The following ARB2A variants were observed in gnomAD, a reference collection of about 807,000 sequenced individuals.
The protein encoded by ARB2A is cotranscriptional regulator ARB2A.
the ARB2A span, among the ~76,000 whole-genome samples, chr5:93,807,821 G>GA: frequency 2.0e-5 from 3 of 151,368 alleles, no homozygotes; most frequent in Non-Finnish European, 4.4e-5. Flanking sequence ...AAATTAGGGG[G>GA]AAAAAAAAGC....
At chr5:93,669,339 T>C in the ARB2A span, among the ~76,000 whole-genome samples, 1 of 152,210 alleles carries the variant, frequency 6.6e-6, no homozygotes, top group African/African-American at 2.4e-5. Context: ...ATGGTAAATC[T>C]ACTGTCATGG....
chr5:93,640,064 CAAA>C, the ARB2A span, among the ~76,000 whole-genome samples: 8 of 59,254 alleles, frequency 1.4e-4, no homozygotes, highest in East Asian at 5.3e-4. Flanking sequence ...ACTCTGTCTC[CAAA>C]AAAAAAAAAA....
At chr5:94,028,574 C>T in the ARB2A span, among the ~76,000 whole-genome samples, 3 of 152,174 alleles carry the variant, frequency 2.0e-5, no homozygotes. Context: ...CACTCACATA[C>T]AAGAACCTCC....
At chr5:93,908,252 T>A in the ARB2A span, among the ~76,000 whole-genome samples, 8 of 151,244 alleles carry the variant, frequency 5.3e-5, no homozygotes, top group South Asian at 1.7e-3. Context: ...ATTTTTACAA[T>A]CATTTTCCAA....
the ARB2A span, among the ~76,000 whole-genome samples, chr5:93,877,696 T>G: frequency 6.6e-6 from 1 of 152,156 alleles, no homozygotes; most frequent in Non-Finnish European, 1.5e-5. Flanking sequence ...GTAAATTAGC[T>G]AATCATTATA....
the ARB2A span, among the ~76,000 whole-genome samples, chr5:93,842,985 C>A: frequency 2.0e-5 from 3 of 152,292 alleles, no homozygotes; most frequent in Non-Finnish European, 2.9e-5. Flanking sequence ...GGGCCTTCAT[C>A]CCTTCTAAAC....
the ARB2A span, among the ~76,000 whole-genome samples, chr5:94,065,757 A>C: frequency 6.6e-6 from 1 of 152,212 alleles, no homozygotes; most frequent in Non-Finnish European, 1.5e-5. Flanking sequence ...AAAGAGAAAG[A>C]TAGATTCCAA....
chr5:94,072,639 G>C, the ARB2A span, among the ~76,000 whole-genome samples: 6 of 152,004 alleles, frequency 3.9e-5, no homozygotes, highest in Admixed American at 3.9e-4. Context: ...GAACTAAGAG[G>C]ACTAGATACA....
chr5:93,640,517 T>C, the ARB2A span, among the ~76,000 whole-genome samples: 22,817 of 151,450 alleles, frequency 0.15, 2,019 homozygotes, highest in Middle Eastern at 0.24. Flanking sequence ...CAATCCTAAA[T>C]AGACATTTCA....
the ARB2A span, among the ~76,000 whole-genome samples, chr5:94,106,001 T>A: frequency 6.6e-6 from 1 of 152,060 alleles, no homozygotes; most frequent in African/African-American, 2.4e-5. Context: ...ATTAAAGACT[T>A]ACATGTAAAG....
the ARB2A span, among the ~76,000 whole-genome samples, chr5:93,764,466 T>C: frequency 6.6e-6 from 1 of 152,126 alleles, no homozygotes. Context: ...GGATAAATTC[T>C]TTGACACATA....
the ARB2A span, among the ~76,000 whole-genome samples, chr5:94,088,930 A>G: frequency 2.6e-5 from 4 of 152,200 alleles, no homozygotes; most frequent in Non-Finnish European, 5.9e-5. Flanking sequence ...GGGTTCATTT[A>G]ATTATAAAAG....
chr5:93,991,222 T>C, the ARB2A span, among the ~76,000 whole-genome samples: 2 of 152,202 alleles, frequency 1.3e-5, no homozygotes, highest in South Asian at 4.1e-4. Flanking sequence ...TCATATTCAG[T>C]AGTGACCTGA....
chr5:94,040,782 C>T, the ARB2A span, among the ~76,000 whole-genome samples: 1 of 152,092 alleles, frequency 6.6e-6, no homozygotes, highest in Non-Finnish European at 1.5e-5. Context: ...CCAGAGATCA[C>T]AAGTTGAAAC....
At chr5:93,741,652 C>A in the ARB2A span, 3 of 1,412,528 alleles carry the variant, frequency 2.1e-6, no homozygotes, top group South Asian at 1.5e-5. Flanking sequence ...GCCCCGCCCC[C>A]CAGTGGGCGG....
chr5:94,068,436 G>A, the ARB2A span, among the ~76,000 whole-genome samples: 2 of 152,190 alleles, frequency 1.3e-5, no homozygotes, highest in Non-Finnish European at 2.9e-5. Flanking sequence ...CTCAGCTCGA[G>A]CAGTAACAAA....
the ARB2A span, among the ~76,000 whole-genome samples, chr5:93,925,787 C>G: frequency 2.0e-5 from 3 of 152,092 alleles, no homozygotes; most frequent in Non-Finnish European, 4.4e-5. Context: ...AAAATCCTAT[C>G]TCTGACGCAG....
At chr5:93,660,947 C>A in the ARB2A span, among the ~76,000 whole-genome samples, 1 of 152,120 alleles carries the variant, frequency 6.6e-6, no homozygotes, top group Non-Finnish European at 1.5e-5. Flanking sequence ...TGGAAATGTT[C>A]TAGAGGGAGA....
the ARB2A span, among the ~76,000 whole-genome samples, chr5:94,044,798 G>C: frequency 6.6e-6 from 1 of 151,984 alleles, no homozygotes; most frequent in African/African-American, 2.4e-5. Context: ...CCATGAGAGT[G>C]ACCTCTGGTT....
Sources: allele counts gnomAD v4.1 joint callset (sites outside exome capture counted in the v4.1 genomes callset), GRCh38; gene constraint gnomAD v4.1.1; transcripts MANE v1.5; gene names NCBI Gene and HGNC (gene_info 2026-07-23, HGNC 2026-07-21).